The following TPO variants were observed in gnomAD, a reference collection of about 807,000 sequenced individuals.
TPO encodes thyroid microsomal antigen.
TPO carries 78 observed loss-of-function variants against 96.9 expected under a neutral mutation model. That is an observed-to-expected ratio of 0.81 (90% CI 0.67 to 0.97). The LOEUF is 0.97. TPO is among the 50% of genes least tolerant of loss of function. The pLI, the probability that TPO is intolerant of heterozygous loss-of-function variation, is 0.00. For synonymous variants in TPO, 547 were observed against 538.0 expected, an observed-to-expected ratio of 1.02 and a Z score of -0.23; for missense variants, 1,252 against 1,274.8, an observed-to-expected ratio of 0.98 and a Z score of 0.27.
chr2:1,480,299 T>G (rs1342831557), intron 8 of TPO, among the ~76,000 whole-genome samples: 1 of 152,174 alleles, frequency 6.6e-6, no homozygotes, highest in Non-Finnish European at 1.5e-5. Flanking sequence ...TGCAAAAACC[T>G]TTGATACATT....
chr2:1,517,072 G>C, intron 15 of TPO, 90 bp downstream of exon 15: 1 of 1,369,660 alleles, frequency 7.3e-7, no homozygotes, highest in Non-Finnish European at 1.0e-6. Flanking sequence ...TTATTTTCCC[G>C]AAGCTAACAC....
At chr2:1,386,361 A>G (rs1237767165) in intron 1 of TPO, among the ~76,000 whole-genome samples, 1 of 152,158 alleles carries the variant, frequency 6.6e-6, no homozygotes, top group Non-Finnish European at 1.5e-5. Flanking sequence ...GTCTCTTTGT[A>G]GGTCTCTAAG....
intron 5 of TPO, among the ~76,000 whole-genome samples, chr2:1,440,204 C>T (rs952255532): frequency 6.6e-6 from 1 of 150,730 alleles, no homozygotes; most frequent in Non-Finnish European, 1.5e-5. Context: ...TCCTGCATTC[C>T]AAAGCGACCT....
chr2:1,385,556 TC>T (rs773373472), intron 1 of TPO, among the ~76,000 whole-genome samples: 5 of 152,090 alleles, frequency 3.3e-5, no homozygotes, highest in South Asian at 4.2e-4. Context: ...GGTGGTGATA[TC>T]CCCTTTATCA....
chr2:1,492,567 A>G (rs1376907489), intron 10 of TPO, among the ~76,000 whole-genome samples: 1 of 152,050 alleles, frequency 6.6e-6, no homozygotes, highest in African/African-American at 2.4e-5. Context: ...GAGTCTGTTT[A>G]CCACATGGGC....
intron 14 of TPO, among the ~76,000 whole-genome samples, chr2:1,514,386 A>G (rs1036604422): frequency 6.6e-6 from 1 of 152,262 alleles, no homozygotes; most frequent in African/African-American, 2.4e-5. Flanking sequence ...TCAAGCGGAC[A>G]CATAAAATTA....
At position 1,414,393 on chromosome 2, in the gene TPO, T is replaced by C; in HGVS notation, c.-1-15T>C. On this transcript the variant is annotated splice_polypyrimidine_tract_variant and intron_variant, in intron 1 of 16. Coordinates refer to ENST00000329066, the MANE Select transcript of TPO (RefSeq NM_001206744.2). ...GTGCTTGATTACATACTCTGTCTCC[T>C]TCCGTTAATTTTAGAATGAGAGCGC... The C allele has an allele frequency of 6.2e-7, 1 of 1,610,684 alleles. No homozygotes were observed.
At chr2:1,515,988 G>C (rs1674662229) in intron 14 of TPO, among the ~76,000 whole-genome samples, 2 of 152,190 alleles carry the variant, frequency 1.3e-5, no homozygotes, top group African/African-American at 2.4e-5. Flanking sequence ...ACCTCGAATG[G>C]GTATCCAAAC....
rs1667754803 is a variant in TPO, at chr2:1,456,066, T to C, written c.613-10T>C. 9 of 1,612,986 alleles carry C rather than the reference T, an allele frequency of 5.6e-6. No individual in the cohort carries two copies. Among genetic ancestry groups the C allele is most frequent in the Non-Finnish European group, 7.6e-6 (9 of 1,179,610 alleles). On this transcript the variant is annotated splice_polypyrimidine_tract_variant and intron_variant, in intron 6 of 16. Transcript: ENST00000329066. Reference sequence around the variant, plus strand: ...TCCTATGTCCTGACCAATGGTCTCTTCCTACCCAGGTCCGGGAGGTGACAA... The same window carrying C: ...TCCTATGTCCTGACCAATGGTCTCTCCCTACCCAGGTCCGGGAGGTGACAA...
chr2:1,435,006 T>C (rs1665417006), intron 4 of TPO, among the ~76,000 whole-genome samples: 1 of 152,136 alleles, frequency 6.6e-6, no homozygotes, highest in Non-Finnish European at 1.5e-5. Context: ...CGATCTCGGC[T>C]CACTGCAAGC....
At chr2:1,513,971 A>G (rs908911260) in intron 14 of TPO, among the ~76,000 whole-genome samples, 8 of 152,240 alleles carry the variant, frequency 5.3e-5, no homozygotes, top group Non-Finnish European at 1.2e-4. Context: ...GTAGTTACCC[A>G]TACATAGACA....
intron 8 of TPO, among the ~76,000 whole-genome samples, chr2:1,481,309 G>C (rs886254828): frequency 6.6e-6 from 1 of 152,242 alleles, no homozygotes; most frequent in Non-Finnish European, 1.5e-5. Flanking sequence ...GGGAGGCAGA[G>C]AGGAGGTAGC....
intron 15 of TPO, among the ~76,000 whole-genome samples, chr2:1,531,516 C>A (rs111516963): frequency 2.3e-5 from 2 of 86,324 alleles, no homozygotes; most frequent in Non-Finnish European, 4.6e-5. Context: ...AAATTGCCCC[C>A]ACTGTGTGCA....
chr2:1,543,250 A>T lies in TPO; in HGVS notation c.*776A>T, dbSNP rs893077351. On this transcript the variant is annotated 3_prime_UTR_variant, in exon 17 of 17. Coordinates refer to ENST00000329066, the MANE Select transcript of TPO (RefSeq NM_001206744.2). ...CCTCATTTCACATGTGAAGCAGCTG[A>T]ATTCCAGAGTGCTGGGTCCCAGCCC... The T allele has an allele frequency of 4.6e-5, 7 of 152,466 alleles. No homozygotes were observed. Among genetic ancestry groups the T allele is most frequent in the Admixed American group, 2.6e-4 (4 of 15,314 alleles). 9.4% of individuals were successfully genotyped at this position (152,466 alleles called of 1,614,324 possible).
In TPO at chr2:1,538,772, A is replaced by AACAG. The variant is rs1183948965; in HGVS notation, c.2619-1819_2619-1816dup. Among the ~76,000 whole-genome samples, 7 of 152,302 alleles carry AACAG rather than the reference A, an allele frequency of 4.6e-5. No homozygotes were observed. The East Asian group carries it at 1.2e-3, about 25-fold the overall frequency. Reference sequence around the variant, plus strand: ...AACCACACGTTTGGTGGCTTAAAGCAACAGACGTTGATGTTCTCACAGTTC... The same window carrying AACAG: ...AACCACACGTTTGGTGGCTTAAAGCAACAGACAGACGTTGATGTTCTCACAGTTC... On this transcript the variant is annotated intron_variant, in intron 15 of 16. Transcript: ENST00000329066.
At chr2:1,460,807 T>C (rs1193647455) in intron 7 of TPO, among the ~76,000 whole-genome samples, 2 of 152,074 alleles carry the variant, frequency 1.3e-5, no homozygotes, top group African/African-American at 4.8e-5. Flanking sequence ...TGTGTGGAGG[T>C]TGGGCTCCCC....
chr2:1,410,849 A>G (rs1662321849), upstream of TPO, among the ~76,000 whole-genome samples: 5 of 151,750 alleles, frequency 3.3e-5, no homozygotes, highest in Admixed American at 6.6e-5. Flanking sequence ...GAAGACGTGT[A>G]TTTTTTTCTT....
intron 1 of TPO, among the ~76,000 whole-genome samples, chr2:1,398,704 G>C (rs973283776): frequency 2.6e-5 from 4 of 152,218 alleles, no homozygotes; most frequent in Non-Finnish European, 5.9e-5. Flanking sequence ...CACCGCTTGC[G>C]TGGGGGTCTC....
At chr2:1,540,558 A>G (rs1386448965) in intron 15 of TPO, 36 bp from the exon 16 acceptor site, 5 of 1,610,072 alleles carry the variant, frequency 3.1e-6, no homozygotes, top group Admixed American at 3.3e-5. Flanking sequence ...ACGGTGCCGG[A>G]CCCTCTCCCG....
Sources: allele counts gnomAD v4.1 joint callset (sites outside exome capture counted in the v4.1 genomes callset), GRCh38; gene constraint gnomAD v4.1.1; transcripts MANE v1.5; gene names NCBI Gene and HGNC (gene_info 2026-07-23, HGNC 2026-07-21).